Variants in SYT9 observed in about 807,000 individuals in gnomAD.
The protein encoded by SYT9 is synaptotagmin-9.
SYT9 carries 22 observed loss-of-function variants against 48.4 expected under a neutral mutation model. That is an observed-to-expected ratio of 0.45 (90% CI 0.32 to 0.65). The LOEUF (loss-of-function observed/expected upper bound fraction) is 0.65. Ranked by LOEUF, SYT9 falls within the 30% of genes least tolerant of loss-of-function variation. The pLI is 0.03. For missense variants in SYT9, 577 were observed against 622.0 expected (o/e 0.93, Z 0.77); for synonymous variants, 265 against 245.0 (o/e 1.08, Z -0.76).
intron 3 of SYT9, among the ~76,000 whole-genome samples, chr11:7,317,179 T>G (rs186053649): frequency 6.6e-6 from 1 of 152,342 alleles, no homozygotes; most frequent in Admixed American, 6.5e-5. Context: ...TTCCTTACCC[T>G]ATGTCAGGAA....
chr11:7,325,196 C>T (rs1849408284), intron 3 of SYT9, among the ~76,000 whole-genome samples: 1 of 150,678 alleles, frequency 6.6e-6, no homozygotes, highest in African/African-American at 2.4e-5. Context: ...TGTAAATTAC[C>T]TTGGGCAGTA....
At chr11:7,257,487 C>T (rs1847995526) in intron 1 of SYT9, among the ~76,000 whole-genome samples, 1 of 151,838 alleles carries the variant, frequency 6.6e-6, no homozygotes, top group African/African-American at 2.4e-5. Context: ...ATAATGAAGT[C>T]ACTTATTAGA....
intron 3 of SYT9, among the ~76,000 whole-genome samples, chr11:7,399,363 G>T (rs1183329251): frequency 6.6e-6 from 1 of 152,152 alleles, no homozygotes; most frequent in African/African-American, 2.4e-5. Context: ...TTGAAAGAGT[G>T]CATCCATCAG....
At chr11:7,389,068 C>T (rs1850714055) in intron 3 of SYT9, among the ~76,000 whole-genome samples, 1 of 152,204 alleles carries the variant, frequency 6.6e-6, no homozygotes, top group Non-Finnish European at 1.5e-5. Context: ...TGAACCTGCA[C>T]ATTCTAAAGA....
chr11:7,458,633 G>A (rs1396971460), intron 6 of SYT9, among the ~76,000 whole-genome samples: 1 of 152,202 alleles, frequency 6.6e-6, no homozygotes, highest in Non-Finnish European at 1.5e-5. Context: ...ACACTTGAAG[G>A]AGGTGAGGGA....
intron 3 of SYT9, among the ~76,000 whole-genome samples, chr11:7,324,427 CT>C (rs1304796133): frequency 1.3e-5 from 2 of 151,328 alleles, no homozygotes; most frequent in Non-Finnish European, 3.0e-5. Context: ...GATTTTCTTT[CT>C]TTTTTCTTTA....
At chr11:7,369,322 GTT>G in intron 3 of SYT9, among the ~76,000 whole-genome samples, 1 of 98,086 alleles carries the variant, frequency 1.0e-5, no homozygotes, top group Non-Finnish European at 2.2e-5. Context: ...TGATGGTGTT[GTT>G]TGTTTTTTTT....
intron 3 of SYT9, among the ~76,000 whole-genome samples, chr11:7,385,340 CTGTGTGTGTGTG>C (rs66576884): frequency 4.1e-5 from 6 of 146,690 alleles, no homozygotes; most frequent in African/African-American, 1.3e-4. Context: ...TTTGTTTGCT[CTGTGTGTGTGTG>C]TGTGTGTGTG....
chr11:7,361,626 T>C (rs1487729856), intron 3 of SYT9, among the ~76,000 whole-genome samples: 1 of 152,172 alleles, frequency 6.6e-6, no homozygotes, highest in Non-Finnish European at 1.5e-5. Context: ...GAAGTGTGTT[T>C]TACTTTCCCT....
chr11:7,257,191 CT>C (rs1847989030), intron 1 of SYT9, among the ~76,000 whole-genome samples: 2 of 152,142 alleles, frequency 1.3e-5, no homozygotes, highest in African/African-American at 4.8e-5. Flanking sequence ...CTCAGCTCAG[CT>C]CACATTTGTT....
intron 6 of SYT9, among the ~76,000 whole-genome samples, chr11:7,465,999 T>G (rs2134163174): frequency 6.6e-6 from 1 of 152,244 alleles, no homozygotes; most frequent in South Asian, 2.1e-4. Flanking sequence ...CAACTCAAGT[T>G]GAGATTTGGG....
chr11:7,286,754 A>G (rs1457774592), intron 1 of SYT9, among the ~76,000 whole-genome samples: 1 of 152,166 alleles, frequency 6.6e-6, no homozygotes, highest in Non-Finnish European at 1.5e-5. Context: ...GCAGGGGCAA[A>G]ATGCTGCCAG....
intron 1 of SYT9, among the ~76,000 whole-genome samples, chr11:7,291,475 G>A (rs1022015371): frequency 2.0e-5 from 3 of 152,122 alleles, no homozygotes; most frequent in African/African-American, 4.8e-5. Flanking sequence ...CTGAAATGCC[G>A]AGAACCTGAG....
At chr11:7,241,305 A>G (rs968722727) in intron 1 of SYT9, among the ~76,000 whole-genome samples, 2 of 152,104 alleles carry the variant, frequency 1.3e-5, no homozygotes, top group East Asian at 1.9e-4. Flanking sequence ...GTGAAAAATG[A>G]TAACAGAGAA....
intron 3 of SYT9, 142 bp downstream of exon 3, chr11:7,314,083 C>G (rs1849197625): frequency 1.1e-6 from 1 of 932,754 alleles, no homozygotes; most frequent in African/African-American, 1.6e-5. Context: ...CTCCTTGTAC[C>G]TTTTCAGAAA....
intron 1 of SYT9, among the ~76,000 whole-genome samples, chr11:7,283,901 T>G (rs922057102): frequency 1.3e-5 from 2 of 152,202 alleles, no homozygotes; most frequent in African/African-American, 4.8e-5. Context: ...TACCCAGCCT[T>G]GAAGTGTGAT....
intron 3 of SYT9, among the ~76,000 whole-genome samples, chr11:7,358,388 G>A (rs897868052): frequency 6.6e-6 from 1 of 152,012 alleles, no homozygotes; most frequent in African/African-American, 2.4e-5. Flanking sequence ...TTCTCATAAC[G>A]ATTGTCATTT....
At chr11:7,400,641 C>T (rs1846871204) in intron 3 of SYT9, among the ~76,000 whole-genome samples, 1 of 152,104 alleles carries the variant, frequency 6.6e-6, no homozygotes, top group African/African-American at 2.4e-5. Context: ...TATAAGACAA[C>T]TAGAAATTAT....
At chr11:7,377,658 T>C (rs4758180) in intron 3 of SYT9, among the ~76,000 whole-genome samples, 48,127 of 151,948 alleles carry the variant, frequency 0.32, 8,188 homozygotes, top group African/African-American at 0.44. Flanking sequence ...GGTGGAAACA[T>C]TGCATGGAAA....
Sources: allele counts gnomAD v4.1 joint callset (sites outside exome capture counted in the v4.1 genomes callset), GRCh38; gene constraint gnomAD v4.1.1; transcripts MANE v1.5; gene names NCBI Gene and HGNC (gene_info 2026-07-23, HGNC 2026-07-21).